Variants in DLG2 observed in about 807,000 individuals in gnomAD.
DLG2 encodes disks large homolog 2.
DLG2 carries 45 observed loss-of-function variants against 132.5 expected under a neutral mutation model. The observed-to-expected ratio is 0.34, with a 90% CI of 0.27 to 0.44. DLG2 has a LOEUF of 0.44. DLG2 is among the 20% of genes least tolerant of loss of function. DLG2 has a pLI of 1.00. For missense variants in DLG2, 1,045 were observed against 1,196.9 expected (o/e 0.87, Z 1.87); for synonymous variants, 424 against 419.6 (o/e 1.01, Z -0.13).
chr11:85,164,126 C>T (rs569672227), intron 4 of DLG2, among the ~76,000 whole-genome samples: 10 of 152,228 alleles, frequency 6.6e-5, no homozygotes, highest in African/African-American at 2.4e-4. Flanking sequence ...AGATCAAAGT[C>T]TCTCATCTGA....
intron 6 of DLG2, among the ~76,000 whole-genome samples, chr11:85,052,628 T>A (rs2063015880): frequency 6.6e-6 from 1 of 152,208 alleles, no homozygotes; most frequent in African/African-American, 2.4e-5. Context: ...ATATAAGCAC[T>A]AGAGTCATTA....
chr11:85,258,584 A>G (rs2076782452), intron 4 of DLG2, among the ~76,000 whole-genome samples: 1 of 152,190 alleles, frequency 6.6e-6, no homozygotes, highest in Non-Finnish European at 1.5e-5. Flanking sequence ...AGCATTTAGT[A>G]TATATTTTTA....
chr11:83,796,549 C>A (rs979720973), intron 17 of DLG2, among the ~76,000 whole-genome samples: 1 of 152,088 alleles, frequency 6.6e-6, no homozygotes, highest in Admixed American at 6.6e-5. Context: ...TTCTCCTTCC[C>A]TAGTTTCTAA....
chr11:84,794,364 A>C (rs1207231582), intron 6 of DLG2, among the ~76,000 whole-genome samples: 1 of 152,240 alleles, frequency 6.6e-6, no homozygotes, highest in Non-Finnish European at 1.5e-5. Flanking sequence ...CGCCAACTGC[A>C]ATAGGGGAGG....
chr11:85,113,229 C>T (rs560147572), intron 5 of DLG2, among the ~76,000 whole-genome samples: 1 of 152,096 alleles, frequency 6.6e-6, no homozygotes, highest in South Asian at 2.1e-4. Context: ...CCATGAAATG[C>T]TCTTGACAGT....
chr11:84,281,875 G>A (rs749081735), intron 7 of DLG2, among the ~76,000 whole-genome samples: 6 of 152,156 alleles, frequency 3.9e-5, no homozygotes, highest in Admixed American at 6.5e-5. Context: ...TCAAGTGTTG[G>A]TGATGATGTG....
chr11:84,878,654 T>A (rs545662951), intron 6 of DLG2, among the ~76,000 whole-genome samples: 1 of 151,960 alleles, frequency 6.6e-6, no homozygotes, highest in Non-Finnish European at 1.5e-5. Context: ...TTTATACCTA[T>A]GTAACAAAGC....
chr11:84,271,069 C>T (rs1046054931), intron 7 of DLG2, among the ~76,000 whole-genome samples: 3 of 152,008 alleles, frequency 2.0e-5, no homozygotes, highest in Admixed American at 2.0e-4. Context: ...CATAGAGTAC[C>T]TTTTCTGCTG....
rs1450154852 is a variant in DLG2 at position 83,462,065 on chromosome 11, G to C, written c.2758C>G (p.Gln920Glu). Reference protein sequence around the residue: ...MEMNKRLTEEQAKKTYDRAIK... With the variant: ...MEMNKRLTEEEAKKTYDRAIK... ...GCTCGATCATAGGTTTTCTTGGCTTGTTCCTCTGTTAGACGCTTATTCATC... is the reference window on the plus strand; with the variant it reads ...GCTCGATCATAGGTTTTCTTGGCTTCTTCCTCTGTTAGACGCTTATTCATC... The change falls in exon 27 of 28, where the codon CAA becomes GAA. Residue 920 changes from glutamine to glutamate, a missense_variant. Physicochemically the swap from Gln to Glu is conservative, Grantham distance 29. This residue lies in a region of DLG2 where 398 missense variants were observed against 543.6 expected (regional missense o/e 0.73). Coordinates refer to ENST00000376104, the MANE Select transcript of DLG2 (RefSeq NM_001142699.3). 1.9e-6 allele frequency: 3 copies of C among 1,612,840 alleles called. No homozygotes were observed. The highest frequency in any genetic ancestry group is 2.5e-6 in the Non-Finnish European group (3 of 1,178,992).
rs2088819830 is a variant in DLG2 at position 83,455,550 on chromosome 11, C to T, written c.*4268G>A. On this transcript the variant is annotated 3_prime_UTR_variant, in exon 28 of 28. Coordinates refer to ENST00000376104, the MANE Select transcript of DLG2 (RefSeq NM_001142699.3). ...ACTATACTCTTTAGATGATCTTTGT[C>T]TAAATTGTCCGCCTGTCTTAGCTTT... is the stretch of plus-strand genomic sequence containing the variant. The T allele has an allele frequency of 6.6e-6, 1 of 152,632 alleles. No individual in the cohort carries two copies. Among genetic ancestry groups the T allele is most frequent in the Non-Finnish European group, 1.5e-5 (1 of 68,042 alleles). The allele number at this position is 152,632 out of a possible 1,614,324, so 9.5% of individuals were successfully genotyped here.
chr11:84,271,050 C>T (rs1227074227), intron 7 of DLG2, among the ~76,000 whole-genome samples: 2 of 152,020 alleles, frequency 1.3e-5, no homozygotes, highest in African/African-American at 4.8e-5. Context: ...GTGCATAAAG[C>T]AGGGAATACA....
chr11:84,896,635 A>G (rs1287060557), intron 6 of DLG2, among the ~76,000 whole-genome samples: 2 of 152,090 alleles, frequency 1.3e-5, no homozygotes, highest in South Asian at 2.1e-4. Context: ...CAGAGATAGT[A>G]GTTGCCACTT....
rs1038844054 is a variant in DLG2, at chr11:85,284,731, T to C, written c.186+489A>G. 2.0e-5 allele frequency among the ~76,000 whole-genome samples: 3 copies of C among 151,772 alleles called. No homozygotes were observed. The East Asian group carries it at 5.8e-4, about 30-fold the overall frequency. ...TATTTTTAAAATTAGTTACTACTAA[T>C]ATATAAGTTACCCAAATATAGAAAA... On this transcript the variant is annotated intron_variant, in intron 4 of 27. Coordinates refer to ENST00000376104, the MANE Select transcript of DLG2 (RefSeq NM_001142699.3).
At chr11:83,467,070 A>C (rs1032296093) in intron 25 of DLG2, among the ~76,000 whole-genome samples, 1 of 152,242 alleles carries the variant, frequency 6.6e-6, no homozygotes, top group Admixed American at 6.5e-5. Flanking sequence ...ATGTTCTCTC[A>C]GTTAAATACC....
At chr11:84,209,623 A>AT (rs1440779685) in intron 8 of DLG2, among the ~76,000 whole-genome samples, 1 of 151,828 alleles carries the variant, frequency 6.6e-6, no homozygotes, top group Non-Finnish European at 1.5e-5. Context: ...AAAATAAAAA[A>AT]AAAAATTTGT....
chr11:84,532,820 T>C (rs1461814774), intron 7 of DLG2, among the ~76,000 whole-genome samples: 5 of 152,180 alleles, frequency 3.3e-5, no homozygotes, highest in African/African-American at 1.2e-4. Context: ...TAGGGAGTTT[T>C]TCAACCAGTT....
At chr11:85,000,300 A>G (rs932080803) in intron 6 of DLG2, among the ~76,000 whole-genome samples, 1 of 152,214 alleles carries the variant, frequency 6.6e-6, no homozygotes, top group African/African-American at 2.4e-5. Context: ...TTTTATAACT[A>G]GGTCCAGAAA....
chr11:84,863,572 G>C (rs1226227355), intron 6 of DLG2, among the ~76,000 whole-genome samples: 1 of 151,936 alleles, frequency 6.6e-6, no homozygotes, highest in Non-Finnish European at 1.5e-5. Flanking sequence ...CACCATACTT[G>C]CTTAAAATAC....
intron 6 of DLG2, among the ~76,000 whole-genome samples, chr11:84,578,749 G>C (rs1373404367): frequency 6.6e-6 from 1 of 152,096 alleles, no homozygotes; most frequent in Non-Finnish European, 1.5e-5. Context: ...AGACTTTGGG[G>C]GACTGCTGGG....
Sources: gnomAD v4.1 joint callset for allele counts (sites outside exome capture counted in the v4.1 genomes callset) on GRCh38, gnomAD v4.1.1 for gene constraint, gnomAD v4.1.1 regional missense constraint, MANE v1.5 for transcripts, NCBI Gene and HGNC (gene_info 2026-07-23, HGNC 2026-07-21) for gene names.